MPRIP: variants seen among roughly 807,000 people sequenced by gnomAD.
MPRIP encodes the protein myosin phosphatase Rho-interacting protein.
MPRIP carries 59 observed loss-of-function variants against 234.9 expected under a neutral mutation model. The ratio of observed to expected loss-of-function variants is 0.25; its 90% confidence interval spans 0.20 to 0.31. The LOEUF (loss-of-function observed/expected upper bound fraction) is 0.31. Among genes scored for constraint, MPRIP ranks in the 10% least tolerant of loss-of-function variants. The pLI is 1.00. For missense variants in MPRIP, 2,436 were observed against 3,071.0 expected, an observed-to-expected ratio of 0.79 and a Z score of 4.89; for synonymous variants, 1,144 against 1,263.9, an observed-to-expected ratio of 0.91 and a Z score of 2.01.
intron 3 of MPRIP, among the ~76,000 whole-genome samples, chr17:17,102,864 T>C (rs1259868804): frequency 6.6e-6 from 1 of 152,216 alleles, no homozygotes; most frequent in South Asian, 2.1e-4. Flanking sequence ...GGCAGCTCCA[T>C]GTAATTCTTC....
intron 9 of MPRIP, among the ~76,000 whole-genome samples, chr17:17,143,993 G>A (rs2045400303): frequency 6.6e-6 from 1 of 152,216 alleles, no homozygotes; most frequent in African/African-American, 2.4e-5. Flanking sequence ...CTCTGGCTTT[G>A]GGCATTGCTT....
rs1184530798 is a variant in MPRIP, at chr17:17,153,103, A to AC, written c.1720-1196dup. 7.2e-5 allele frequency among the ~76,000 whole-genome samples: 11 copies of AC among 152,024 alleles called. No individual in the cohort carries two copies. In the South Asian group the frequency reaches 1.7e-3, roughly 23 times the overall value. On this transcript the variant is annotated intron_variant, in intron 12 of 23. Transcript: ENST00000651222. ...AAGGATGGACCCAGGAGAAGGTGGT[A>AC]CCCCCCCAACTCAGCTCACATGGAT...
intron 3 of MPRIP, among the ~76,000 whole-genome samples, chr17:17,105,135 T>C (rs1168826759): frequency 6.6e-6 from 1 of 152,232 alleles, no homozygotes; most frequent in Non-Finnish European, 1.5e-5. Flanking sequence ...TAGGCACTAA[T>C]TCCATTCGAT....
chr17:17,101,400 T>C (rs1456670679), intron 3 of MPRIP, among the ~76,000 whole-genome samples: 2 of 152,052 alleles, frequency 1.3e-5, no homozygotes, highest in Non-Finnish European at 2.9e-5. Flanking sequence ...ACCCCATCTC[T>C]ACTAAAAAAT....
chr17:17,134,826 G>A (rs1010407670), intron 5 of MPRIP, among the ~76,000 whole-genome samples: 3 of 152,218 alleles, frequency 2.0e-5, no homozygotes, highest in African/African-American at 7.2e-5. Context: ...GAGGTGGGTG[G>A]GTGAGACTGG....
At chr17:17,124,727 G>T (rs1021282437) in intron 3 of MPRIP, among the ~76,000 whole-genome samples, 22 of 152,198 alleles carry the variant, frequency 1.4e-4, no homozygotes, top group Non-Finnish European at 3.2e-4. Context: ...GTCTAGGGAG[G>T]TGGAGGTGGG....
rs1022647550 is a variant in MPRIP, at chr17:17,158,539, G to C, written c.1937G>C (p.Arg646Thr). The C allele has an allele frequency of 6.2e-7, 1 of 1,611,938 alleles. No homozygotes were observed. The highest frequency in any genetic ancestry group is 8.5e-7 in the Non-Finnish European group (1 of 1,179,948). ...ELGEPDPEQKRSRARERRREG... is the reference protein window; with the variant it reads ...ELGEPDPEQKTSRARERRREG... Reference sequence around the variant, plus strand: ...GGGGAGCCGGACCCTGAGCAGAAGAGGAGCCGCGCACGGGAGCGGAGGCGA... The same window carrying C: ...GGGGAGCCGGACCCTGAGCAGAAGACGAGCCGCGCACGGGAGCGGAGGCGA... Residue 646 changes from arginine (R) to threonine (T), a missense_variant, in exon 14 of 24, where the codon AGG (arginine) becomes ACG (threonine). By Grantham distance (71) the Arg-to-Thr change is moderately conservative (BLOSUM62 -1). Coordinates refer to ENST00000651222, the MANE Select transcript of MPRIP (RefSeq NM_001364716.4).
intron 20 of MPRIP, 92 bp downstream of exon 20, chr17:17,175,504 G>C (rs993345209): frequency 1.4e-6 from 2 of 1,420,358 alleles, no homozygotes; most frequent in African/African-American, 2.9e-5. Context: ...AGGGTTGTGG[G>C]AGGAACAGAC....
At chr17:17,045,977 T>C (rs2088336687) in intron 1 of MPRIP, among the ~76,000 whole-genome samples, 1 of 152,110 alleles carries the variant, frequency 6.6e-6, no homozygotes, top group African/African-American at 2.4e-5. Flanking sequence ...GGCTAATTTT[T>C]TGTATTTTTA....
At chr17:17,139,952 G>A (rs1212222480) in intron 7 of MPRIP, among the ~76,000 whole-genome samples, 1 of 152,242 alleles carries the variant, frequency 6.6e-6, no homozygotes, top group African/African-American at 2.4e-5. Flanking sequence ...TGAAAACTGA[G>A]GCTCAGGAGT....
intron 3 of MPRIP, among the ~76,000 whole-genome samples, chr17:17,105,172 C>G: frequency 6.6e-6 from 1 of 152,198 alleles, no homozygotes; most frequent in East Asian, 1.9e-4. Flanking sequence ...ATCGCTTTCT[C>G]CCAGGGCAGG....
At chr17:17,083,998 C>G (rs910921806) in intron 3 of MPRIP, among the ~76,000 whole-genome samples, 3 of 152,216 alleles carry the variant, frequency 2.0e-5, no homozygotes, top group Non-Finnish European at 4.4e-5. Flanking sequence ...GCCTCGGCCT[C>G]CCAGAGTCCA....
intron 3 of MPRIP, among the ~76,000 whole-genome samples, chr17:17,117,152 A>G (rs555963210): frequency 1.3e-5 from 2 of 152,306 alleles, no homozygotes; most frequent in East Asian, 3.9e-4. Context: ...ACATTCGAGG[A>G]AAGTTGTTGA....
intron 3 of MPRIP, among the ~76,000 whole-genome samples, chr17:17,110,780 C>T (rs1736172300): frequency 6.6e-6 from 1 of 152,306 alleles, no homozygotes; most frequent in Admixed American, 6.5e-5. Context: ...TACAACACAC[C>T]TGATCAGCAC....
chr17:17,150,586 C>T (rs138754116), intron 12 of MPRIP, among the ~76,000 whole-genome samples: 347 of 151,700 alleles, frequency 2.3e-3, no homozygotes, highest in African/African-American at 7.9e-3. Context: ...CAATTATTTA[C>T]ATCCGCTTTT....
At chr17:17,143,721 ACT>A in intron 9 of MPRIP, 52 bp downstream of exon 9, 1 of 1,240,660 alleles carries the variant, frequency 8.1e-7, no homozygotes, top group Non-Finnish European at 1.1e-6. Flanking sequence ...GCTTCTGGTC[ACT>A]CTGAGGCGCT....
chr17:17,068,024 A>G (rs2089092215), intron 1 of MPRIP, among the ~76,000 whole-genome samples: 1 of 152,030 alleles, frequency 6.6e-6, no homozygotes, highest in Non-Finnish European at 1.5e-5. Context: ...GAATTGTATT[A>G]GTATTCCTCA....
At chr17:17,068,593 C>T (rs2089113953) in intron 1 of MPRIP, among the ~76,000 whole-genome samples, 1 of 151,058 alleles carries the variant, frequency 6.6e-6, no homozygotes, top group Non-Finnish European at 1.5e-5. Flanking sequence ...TGCAGTGTTA[C>T]AGTCTTGGCT....
At chr17:17,156,082 C>A (rs1209895473) in intron 13 of MPRIP, among the ~76,000 whole-genome samples, 2 of 152,348 alleles carry the variant, frequency 1.3e-5, no homozygotes, top group East Asian at 3.9e-4. Flanking sequence ...GGCCTGAGGT[C>A]CTCTCCTGCC....
Sources: allele counts gnomAD v4.1 joint callset (sites outside exome capture counted in the v4.1 genomes callset), GRCh38; gene constraint gnomAD v4.1.1; transcripts MANE v1.5; gene names NCBI Gene and HGNC (gene_info 2026-07-23, HGNC 2026-07-21).